ADPRHL1: variants seen among roughly 807,000 people sequenced by gnomAD.
The protein encoded by ADPRHL1 is inactive ADP-ribosyltransferase ARH2.
ADPRHL1 carries 43 observed loss-of-function variants against 44.1 expected under a neutral mutation model. That is an observed-to-expected ratio of 0.98 (90% CI 0.76 to 1.26). The LOEUF is 1.26. ADPRHL1 is among the 50% of genes most tolerant of loss of function. The pLI is 0.00. For missense variants in ADPRHL1, 2,022 were observed against 2,496.9 expected (o/e 0.81, Z 4.05); for synonymous variants, 878 against 1,017.4 (o/e 0.86, Z 2.61).
In ADPRHL1 at chr13:113,408,022, C is replaced by T; in HGVS notation, c.1260G>A (p.Gln420=). ...AGCGCGTGGGCCGCTGGGTGGCCTCCTGGGTCTGGGGCTGGTGGCTGGGCC... is the reference window on the plus strand; with the variant it reads ...AGCGCGTGGGCCGCTGGGTGGCCTCTTGGGTCTGGGGCTGGTGGCTGGGCC... ...GSRPSHQPQT[Q]EATQRPTRFQ... The change falls in exon 8 of 8, where the codon CAG becomes CAA. Residue 420 remains glutamine (Q), a synonymous_variant. Transcript: ENST00000612156. 8.1e-7 allele frequency: 1 copy of T among 1,232,950 alleles called. No homozygotes were observed. Among genetic ancestry groups the T allele is most frequent in the Non-Finnish European group, 1.0e-6 (1 of 988,732 alleles). 76.4% of individuals were successfully genotyped at this position (1,232,950 alleles called of 1,614,324 possible). A position where few individuals can be genotyped will look rare whatever the true frequency, so the allele number is the denominator to read the frequency against.
At chr13:113,435,059 C>A (rs1595550885) in intron 2 of ADPRHL1, among the ~76,000 whole-genome samples, 1 of 138,014 alleles carries the variant, frequency 7.2e-6, no homozygotes. Context: ...CAGGACCCGG[C>A]ACCCAGGTGT....
chr13:113,405,074 C>A lies in ADPRHL1; in HGVS notation c.4208G>T (p.Gly1403Val). Residue 1403 changes from glycine to valine, a missense_variant, in exon 8 of 8, where the codon GGC (glycine) becomes GTC (valine). Physicochemically the swap from Gly to Val is moderately radical, Grantham distance 109. Around this residue, in one of 8 missense-constraint regions of ADPRHL1, gnomAD observed 1,221 missense variants for 1,517.8 expected, o/e 0.80. Transcript: ENST00000612156. ...TGCTGGGTTCAGCACAACCTTCGAG[C>A]CCGACGGCGCCACCCTCTTCCCCGC... ...GDAGKRVAPS[G>V]SKVVLNPAKE... The A allele has an allele frequency of 8.1e-7, 1 of 1,232,182 alleles. No homozygotes were observed. The highest frequency in any genetic ancestry group is 3.2e-5 in the East Asian group (1 of 31,702). The allele number at this position is 1,232,182 out of a possible 1,614,324, so 76.3% of individuals were successfully genotyped here. A position where few individuals can be genotyped will look rare whatever the true frequency, so the allele number is the denominator to read the frequency against.
chr13:113,451,061 G>A (rs904282819), intron 1 of ADPRHL1, among the ~76,000 whole-genome samples: 47 of 152,218 alleles, frequency 3.1e-4, no homozygotes, highest in African/African-American at 5.1e-4. Context: ...AGACGCTGGC[G>A]TCACAGCTAG....
At chr13:113,424,479 G>A (rs2043948846) in intron 5 of ADPRHL1, 130 bp from the exon 6 acceptor site, 11 of 1,292,264 alleles carry the variant, frequency 8.5e-6, no homozygotes, top group Non-Finnish European at 1.2e-5. Flanking sequence ...TTTTTGAGAT[G>A]AATCTGGCTC....
chr13:113,412,241 G>T (rs1048276684), intron 7 of ADPRHL1, among the ~76,000 whole-genome samples: 2 of 152,238 alleles, frequency 1.3e-5, no homozygotes, highest in Non-Finnish European at 2.9e-5. Flanking sequence ...GCAGTGGCGC[G>T]ATCTCGACTC....
intron 7 of ADPRHL1, among the ~76,000 whole-genome samples, chr13:113,414,381 G>A (rs1041317503): frequency 1.1e-4 from 16 of 151,204 alleles, no homozygotes; most frequent in Non-Finnish European, 2.1e-4. Context: ...GCCTGGAGCC[G>A]CCCCCCCTTC....
At chr13:113,417,211 C>G (rs1025594317) in intron 7 of ADPRHL1, among the ~76,000 whole-genome samples, 1 of 152,140 alleles carries the variant, frequency 6.6e-6, no homozygotes, top group Non-Finnish European at 1.5e-5. Flanking sequence ...GTGTGTGGGA[C>G]AAGACAAGGC....
chr13:113,416,172 G>C (rs2043886610), intron 7 of ADPRHL1, among the ~76,000 whole-genome samples: 2 of 151,762 alleles, frequency 1.3e-5, no homozygotes, highest in African/African-American at 4.8e-5. Context: ...TTTGTAACTA[G>C]GTGGGGAATA....
chr13:113,403,670 C>G lies in ADPRHL1; in HGVS notation c.5612G>C (p.Gly1871Ala). The change falls in exon 8 of 8, where the codon GGC becomes GCC. Residue 1871 changes from glycine (G) to alanine (A), a missense_variant. By Grantham distance (60) the Gly-to-Ala change is moderately conservative. This residue lies in a region of ADPRHL1 where 205 missense variants were observed against 250.1 expected (regional missense o/e 0.82). Transcript: ENST00000612156. ...CAGGGGAGAGGTGGCAATGCTCTTG[C>G]CCCTGAGGGGGCGGCTTCCTGGGGG... ...YPPPGSRPLR[G>A]KSIATSPLGL... 1 of 1,231,996 alleles carries G rather than the reference C, an allele frequency of 8.1e-7. No individual in the cohort carries two copies. The highest frequency in any genetic ancestry group is 1.0e-6 in the Non-Finnish European group (1 of 988,248). 76.3% of individuals were successfully genotyped at this position (1,231,996 alleles called of 1,614,324 possible). A position where few individuals can be genotyped will look rare whatever the true frequency, so the allele number is the denominator to read the frequency against.
chr13:113,435,903 C>A (rs1324627315), intron 2 of ADPRHL1, among the ~76,000 whole-genome samples: 3 of 146,546 alleles, frequency 2.0e-5, no homozygotes, highest in Admixed American at 2.0e-4. Context: ...ACCCAGCACC[C>A]AGGTGTAGGG....
In ADPRHL1 at chr13:113,407,144, G is replaced by A; in HGVS notation, c.2138C>T (p.Thr713Ile). 1.6e-6 allele frequency: 2 copies of A among 1,232,282 alleles called. No homozygotes were observed. The highest frequency in any genetic ancestry group is 1.5e-5 in the African/African-American group (1 of 64,562). 76.3% of individuals were successfully genotyped at this position (1,232,282 alleles called of 1,614,324 possible). Residue 713 changes from threonine (T) to isoleucine (I), a missense_variant, in exon 8 of 8, where the codon ACA becomes ATA. This residue lies in a region of ADPRHL1 where 1,221 missense variants were observed against 1,517.8 expected (regional missense o/e 0.80). Coordinates refer to ENST00000612156, the MANE Select transcript of ADPRHL1 (RefSeq NM_001394807.1). ...PSLAFSCAPCTGGVLPGLVPA... is the reference protein window; with the variant it reads ...PSLAFSCAPCIGGVLPGLVPA... ...CACAAGGCCAGGAAGGACTCCACCT[G>A]TGCAGGGAGCACAAGAGAAGGCCAG... is the stretch of plus-strand genomic sequence containing the variant.
intron 7 of ADPRHL1, among the ~76,000 whole-genome samples, chr13:113,410,507 C>T (rs1401454705): frequency 6.6e-6 from 1 of 152,232 alleles, no homozygotes; most frequent in African/African-American, 2.4e-5. Context: ...GAACCTGCTG[C>T]AAGGCCACAG....
At chr13:113,451,771 G>A (rs1404896438) in intron 1 of ADPRHL1, among the ~76,000 whole-genome samples, 1 of 152,156 alleles carries the variant, frequency 6.6e-6, no homozygotes, top group Non-Finnish European at 1.5e-5. Flanking sequence ...TCACGCCACT[G>A]CACTCCAGCC....
At position 113,408,925 on chromosome 13, in the gene ADPRHL1, C is replaced by T. The variant is rs117636647; in HGVS notation, c.1062-705G>A. On this transcript the variant is annotated intron_variant, in intron 7 of 7. Transcript: ENST00000612156. ...GGGGCTACTGAAAGGAGGGGAGGAG[C>T]GGGTTGCAGAGAGGAGGGGAGGTTG... 4.4e-3 allele frequency among the ~76,000 whole-genome samples: 487 copies of T among 109,588 alleles called. 7 individuals carry two copies. Among genetic ancestry groups the T allele is most frequent in the East Asian group, 0.027 (124 of 4,618 alleles). The allele number at this position is 109,588 out of a possible 152,430, so 71.9% of individuals were successfully genotyped here.
At chr13:113,445,119 G>A (rs370980087) in intron 1 of ADPRHL1, among the ~76,000 whole-genome samples, 5 of 152,210 alleles carry the variant, frequency 3.3e-5, no homozygotes, top group South Asian at 2.1e-4. Flanking sequence ...GCAGTGTTCC[G>A]GAAACAAGGG....
intron 7 of ADPRHL1, among the ~76,000 whole-genome samples, chr13:113,411,062 C>T (rs1027282864): frequency 8.5e-5 from 13 of 152,200 alleles, no homozygotes; most frequent in Non-Finnish European, 4.4e-5. Context: ...GTGGTGGGGA[C>T]ATTCTGATCA....
chr13:113,400,444 ACTTTCTTT>A lies in ADPRHL1; in HGVS notation c.*2926_*2933del, dbSNP rs548861582. On this transcript the variant is annotated 3_prime_UTR_variant, in exon 8 of 8. Coordinates refer to ENST00000612156, the MANE Select transcript of ADPRHL1 (RefSeq NM_001394807.1). ...CAGGCATGAGCCACCGTGCCCGGCC[ACTTTCTTT>A]CTTTCTTTTTTTTTTTTTTTAAAAA... The A allele has an allele frequency of 2.0e-5, 3 of 147,092 alleles. No individual in the cohort carries two copies. Among genetic ancestry groups the A allele is most frequent in the African/African-American group, 7.5e-5 (3 of 39,782 alleles). The allele number at this position is 147,092 out of a possible 1,614,324, so 9.1% of individuals were successfully genotyped here.
At chr13:113,449,502 G>T (rs1459904992) in intron 1 of ADPRHL1, among the ~76,000 whole-genome samples, 1 of 144,360 alleles carries the variant, frequency 6.9e-6, no homozygotes, top group East Asian at 2.1e-4. Flanking sequence ...GGCTCACCCA[G>T]AAGGAGACAG....
chr13:113,430,132 A>G (rs2043996458), intron 3 of ADPRHL1, among the ~76,000 whole-genome samples: 1 of 152,168 alleles, frequency 6.6e-6, no homozygotes, highest in East Asian at 1.9e-4. Flanking sequence ...GAACATGGCC[A>G]CGTCTGGCCC....
Sources: gnomAD v4.1 joint callset for allele counts (sites outside exome capture counted in the v4.1 genomes callset) on GRCh38, gnomAD v4.1.1 for gene constraint, gnomAD v4.1.1 regional missense constraint, MANE v1.5 for transcripts, NCBI Gene and HGNC (gene_info 2026-07-23, HGNC 2026-07-21) for gene names.